Variants in MESP1 observed in about 807,000 individuals in gnomAD.
MESP1 encodes the protein mesoderm posterior bHLH transcription factor 1, also known as mesoderm posterior protein 1.
MESP1 carries 22 observed loss-of-function variants against 15.2 expected under a neutral mutation model. The observed-to-expected ratio is 1.45, with a 90% confidence interval of 1.04 to 2.07. The LOEUF is 2.07. Ranked by LOEUF, MESP1 falls within the 30% of genes most tolerant of loss-of-function variation. The pLI is 0.00. For synonymous variants in MESP1, 216 were observed against 192.6 expected (o/e 1.12, Z -1.01); for missense variants, 484 against 411.9 (o/e 1.17, Z -1.51).
the MESP1 span, among the ~76,000 whole-genome samples, chr15:89,742,914 G>T: frequency 6.6e-6 from 1 of 152,196 alleles, no homozygotes. Context: ...TTTGTGACTG[G>T]CATATTTCAG....
chr15:89,737,067 A>T, the MESP1 span, among the ~76,000 whole-genome samples: 1 of 152,230 alleles, frequency 6.6e-6, no homozygotes, highest in Non-Finnish European at 1.5e-5. Flanking sequence ...CTGGGATTAC[A>T]GGCATGAGCC....
At chr15:89,743,860 TGAG>T in the MESP1 span, among the ~76,000 whole-genome samples, 61 of 152,194 alleles carry the variant, frequency 4.0e-4, no homozygotes, top group Non-Finnish European at 8.2e-4. Flanking sequence ...AGAATAGCTT[TGAG>T]GAGGTGAGGC....
downstream of MESP1, among the ~76,000 whole-genome samples, chr15:89,745,696 G>A (rs1254579667): frequency 4.6e-5 from 7 of 152,006 alleles, no homozygotes; most frequent in African/African-American, 1.5e-4. This position sits in a 1 kb window ranked among gnomAD's most constrained non-coding sequence, Gnocchi z 4.8. Flanking sequence ...CCCAGAAGAC[G>A]GAGCTTGCAG....
the MESP1 span, chr15:89,743,217 C>T: frequency 3.5e-3 from 5,042 of 1,450,406 alleles, 181 homozygotes; most frequent in African/African-American, 0.061. Flanking sequence ...ACAGGGTAGT[C>T]GAGGTCTGCC....
In MESP1 at chr15:89,750,988, CGCTGCCCAGGCG is replaced by C; in HGVS notation, c.232_243del (p.Arg78_Ser81del). ...CGCTCACTGGCGCTCTGCCTCTGCCCGCTGCCCAGGCGGCTGCTGCGCGCGCCGCGCCTACCT... is the reference window on the plus strand; with the variant it reads ...CGCTCACTGGCGCTCTGCCTCTGCCCGCTGCTGCGCGCGCCGCGCCTACCT... On this transcript the variant is annotated inframe_deletion, in exon 1 of 2. Transcript: ENST00000300057. 1 of 1,404,140 alleles carries C rather than the reference CGCTGCCCAGGCG, an allele frequency of 7.1e-7. No individual in the cohort carries two copies. Among genetic ancestry groups the C allele is most frequent in the Non-Finnish European group, 9.2e-7 (1 of 1,084,422 alleles). 87.0% of individuals were successfully genotyped at this position (1,404,140 alleles called of 1,614,324 possible). A position where few individuals can be genotyped will look rare whatever the true frequency, so the allele number is the denominator to read the frequency against.
the MESP1 span, chr15:89,735,549 G>T: frequency 6.2e-7 from 1 of 1,614,044 alleles, no homozygotes; most frequent in Non-Finnish European, 8.5e-7. Context: ...GCCTTACCTG[G>T]CATGGTAGGT....
At chr15:89,740,213 G>A in the MESP1 span, among the ~76,000 whole-genome samples, 1 of 152,120 alleles carries the variant, frequency 6.6e-6, no homozygotes, top group African/African-American at 2.4e-5. Flanking sequence ...TTCATGCCTG[G>A]GAAAATTCTA....
At chr15:89,749,627 G>C (rs1019370792), downstream of MESP1, 1 of 156,096 alleles carries the variant, frequency 6.4e-6, no homozygotes, top group Non-Finnish European at 1.4e-5. Context: ...TTCCCCACCA[G>C]GTTCAAAGAA....
chr15:89,745,207 C>T (rs1407521369), downstream of MESP1, among the ~76,000 whole-genome samples: 2 of 152,206 alleles, frequency 1.3e-5, no homozygotes, highest in Non-Finnish European at 2.9e-5. The surrounding 1 kb of genome is among the most constrained non-coding windows in gnomAD (Gnocchi z 4.8). Context: ...GCCACCTTCT[C>T]CTTTCCCAGC....
the MESP1 span, chr15:89,732,898 C>A: frequency 9.7e-7 from 1 of 1,035,074 alleles, no homozygotes; most frequent in Non-Finnish European, 1.5e-6. Context: ...CTTGATTTTG[C>A]CTTCACATCC....
At chr15:89,750,354 C>T in intron 1 of MESP1, 127 bp from the exon 2 acceptor site, 1 of 1,501,946 alleles carries the variant, frequency 6.7e-7, no homozygotes, top group Non-Finnish European at 8.9e-7. Context: ...GTGGCCTTTC[C>T]CTGCCTTCGC....
rs1006793127 is a variant in MESP1 at position 89,751,024 on chromosome 15, C to T, written c.208G>A (p.Gly70Ser). Residue 70 changes from glycine (G) to serine (S), a missense_variant, in exon 1 of 2, where the codon GGT becomes AGT. Physicochemically the swap from Gly to Ser is moderately conservative, Grantham distance 56 (BLOSUM62 0). Coordinates refer to ENST00000300057, the MANE Select transcript of MESP1 (RefSeq NM_018670.4). ...TLRDPRAPSV[G>S]RRGARSSRLG... is the part of the protein sequence containing the mutation. Reference sequence around the variant, plus strand: ...CGGCTGCTGCGCGCGCCGCGCCTACCTACGGAGGGGGCGCGGGGGTCCCGG... The same window carrying T: ...CGGCTGCTGCGCGCGCCGCGCCTACTTACGGAGGGGGCGCGGGGGTCCCGG... The T allele has an allele frequency of 4.4e-6, 6 of 1,353,058 alleles. No homozygotes were observed. In the African/African-American group the frequency reaches 9.2e-5, roughly 21 times the overall value. The allele number at this position is 1,353,058 out of a possible 1,614,324, so 83.8% of individuals were successfully genotyped here.
chr15:89,736,815 G>C, the MESP1 span, among the ~76,000 whole-genome samples: 1 of 147,784 alleles, frequency 6.8e-6, no homozygotes, highest in Non-Finnish European at 1.5e-5. Context: ...TTTTTGAAAC[G>C]GAGTCTCGCT....
At chr15:89,748,428 A>C (rs1479322430), downstream of MESP1, among the ~76,000 whole-genome samples, 1 of 152,070 alleles carries the variant, frequency 6.6e-6, no homozygotes, top group Admixed American at 6.6e-5. Flanking sequence ...ACTCGATCCC[A>C]CTCTGCATTA....
chr15:89,744,508 G>A, the MESP1 span, among the ~76,000 whole-genome samples: 1 of 152,188 alleles, frequency 6.6e-6, no homozygotes, highest in Non-Finnish European at 1.5e-5. Flanking sequence ...AGGTGTTGGG[G>A]AACCAACATT....
At chr15:89,739,232 T>C in the MESP1 span, among the ~76,000 whole-genome samples, 2 of 152,220 alleles carry the variant, frequency 1.3e-5, no homozygotes, top group African/African-American at 4.8e-5. Flanking sequence ...AATAAGGTTT[T>C]ATTTGAACAC....
chr15:89,747,809 G>T (rs1228652075), downstream of MESP1, among the ~76,000 whole-genome samples: 2 of 152,366 alleles, frequency 1.3e-5, no homozygotes, highest in East Asian at 3.9e-4. Flanking sequence ...GCGGGGCTGA[G>T]AACTGAGGTG....
At chr15:89,746,222 T>C (rs139613260), downstream of MESP1, among the ~76,000 whole-genome samples, 3,076 of 123,094 alleles carry the variant, frequency 0.025, 111 homozygotes, top group African/African-American at 0.092. Context: ...GCATCCTCAC[T>C]TACTCACATC....
chr15:89,734,666 C>T, the MESP1 span, among the ~76,000 whole-genome samples: 1 of 152,116 alleles, frequency 6.6e-6, no homozygotes, highest in Non-Finnish European at 1.5e-5. Context: ...CTAAATTCAT[C>T]ATTCCTTTGC....
Sources: gnomAD v4.1 joint callset for allele counts (sites outside exome capture counted in the v4.1 genomes callset) on GRCh38, gnomAD v4.1.1 for gene constraint, Gnocchi (gnomAD v3.1) non-coding constraint, MANE v1.5 for transcripts, NCBI Gene and HGNC (gene_info 2026-07-23, HGNC 2026-07-21) for gene names.